Variants in HDAC4 observed in about 807,000 individuals in gnomAD.
The protein encoded by HDAC4 is histone deacetylase 4.
Under a neutral mutation model 135.1 loss-of-function variants are expected in HDAC4, and 16 were observed. The ratio of observed to expected loss-of-function variants is 0.12; its 90% confidence interval spans 0.08 to 0.18. The LOEUF (loss-of-function observed/expected upper bound fraction) is 0.18. Among genes scored for constraint, HDAC4 ranks in the 10% least tolerant of loss-of-function variants. The probability of loss-of-function intolerance (pLI) is 1.00; values close to 1 mark genes in which losing one functional copy is unlikely to be tolerated. For missense variants in HDAC4, 1,143 were observed against 1,511.8 expected (o/e 0.76, Z 4.05); for synonymous variants, 685 against 653.4 (o/e 1.05, Z -0.74).
At chr2:239,270,868 T>G (rs1394301687) in intron 2 of HDAC4, among the ~76,000 whole-genome samples, 1 of 152,156 alleles carries the variant, frequency 6.6e-6, no homozygotes, top group East Asian at 1.9e-4. Flanking sequence ...ACAGAGTAAA[T>G]TATACACTGG....
At chr2:239,392,551 C>G (rs951841755) in intron 1 of HDAC4, among the ~76,000 whole-genome samples, 30 of 152,208 alleles carry the variant, frequency 2.0e-4, no homozygotes, top group Non-Finnish European at 3.7e-4. Flanking sequence ...CAAGGAGGCA[C>G]AGTTGGCATC....
At chr2:239,218,404 T>C (rs2046764561) in intron 3 of HDAC4, among the ~76,000 whole-genome samples, 1 of 151,308 alleles carries the variant, frequency 6.6e-6, no homozygotes, top group Admixed American at 6.6e-5. Context: ...CTGGGAAAAC[T>C]GGCTAGCCAT....
chr2:239,244,347 G>T (rs2048354623), intron 2 of HDAC4, among the ~76,000 whole-genome samples: 1 of 152,180 alleles, frequency 6.6e-6, no homozygotes, highest in African/African-American at 2.4e-5. Flanking sequence ...ACTGGCAGGT[G>T]TCTGTGAGAA....
At chr2:239,174,548 T>C (rs1378374415) in intron 5 of HDAC4, among the ~76,000 whole-genome samples, 1 of 152,254 alleles carries the variant, frequency 6.6e-6, no homozygotes, top group Non-Finnish European at 1.5e-5. Context: ...ACATGGCTGG[T>C]AGGAGTGTAA....
At chr2:239,211,117 C>G (rs1424257341) in intron 3 of HDAC4, among the ~76,000 whole-genome samples, 1 of 152,216 alleles carries the variant, frequency 6.6e-6, no homozygotes, top group Admixed American at 6.5e-5. Context: ...AGGGTAAAAT[C>G]ACCTAGCTTT....
At chr2:239,300,004 C>T (rs777520714) in intron 2 of HDAC4, among the ~76,000 whole-genome samples, 48 of 152,320 alleles carry the variant, frequency 3.2e-4, no homozygotes, top group Non-Finnish European at 5.9e-4. Context: ...TCCGTAAGTG[C>T]CTTTCAATCC....
intron 1 of HDAC4, among the ~76,000 whole-genome samples, chr2:239,392,781 C>G (rs910335324): frequency 6.6e-6 from 1 of 152,234 alleles, no homozygotes; most frequent in African/African-American, 2.4e-5. Flanking sequence ...CCCTTGGCCA[C>G]GCTCTGCTGA....
intron 2 of HDAC4, among the ~76,000 whole-genome samples, chr2:239,310,398 C>T (rs548675410): frequency 3.9e-5 from 6 of 152,328 alleles, no homozygotes; most frequent in African/African-American, 1.4e-4. Flanking sequence ...TTGCTCCCCC[C>T]CGAACCAAGT....
intron 2 of HDAC4, among the ~76,000 whole-genome samples, chr2:239,335,388 A>T (rs1381359475): frequency 6.6e-6 from 1 of 151,908 alleles, no homozygotes; most frequent in Non-Finnish European, 1.5e-5. Context: ...TTCCCAGTGG[A>T]TCACAGATCT....
intron 16 of HDAC4, among the ~76,000 whole-genome samples, chr2:239,097,538 G>A (rs998345170): frequency 1.3e-5 from 2 of 152,242 alleles, no homozygotes; most frequent in East Asian, 3.8e-4. Flanking sequence ...CATCCCCGCA[G>A]GCATGTTGGC....
chr2:239,113,798 C>T (rs1168378633), intron 13 of HDAC4, among the ~76,000 whole-genome samples: 2 of 152,202 alleles, frequency 1.3e-5, no homozygotes, highest in Non-Finnish European at 2.9e-5. Flanking sequence ...CACCATGAAG[C>T]ACCGTGTGTG....
chr2:239,380,720 T>A (rs1239921829), intron 1 of HDAC4, among the ~76,000 whole-genome samples: 1 of 152,216 alleles, frequency 6.6e-6, no homozygotes, highest in Non-Finnish European at 1.5e-5. Context: ...AAAATTTTTT[T>A]TATATTTAAA....
chr2:239,391,843 C>CA, intron 1 of HDAC4, among the ~76,000 whole-genome samples: 1 of 151,954 alleles, frequency 6.6e-6, no homozygotes, highest in South Asian at 2.1e-4. Flanking sequence ...TCCGCAGCTC[C>CA]CACGTGCCTC....
intron 3 of HDAC4, among the ~76,000 whole-genome samples, chr2:239,213,068 C>T (rs550207422): frequency 1.3e-5 from 2 of 152,272 alleles, no homozygotes; most frequent in South Asian, 2.1e-4. Flanking sequence ...AAACGCAAAG[C>T]TGGAGGAGGT....
In HDAC4 at chr2:239,397,874, CA is replaced by C. The variant is rs943236323; in HGVS notation, c.-220+3103del. Among the ~76,000 whole-genome samples, 11 of 152,294 alleles carry C rather than the reference CA, an allele frequency of 7.2e-5. No homozygotes were observed. The East Asian group carries it at 2.1e-3, about 29-fold the overall frequency. On this transcript the variant is annotated intron_variant, in intron 1 of 26. Transcript: ENST00000543185. ...CAGTACCCGCCTCTAACGTCAAGGCCAAAAACCCAGAGCCCACCACACGGCA... is the reference window on the plus strand; with the variant it reads ...CAGTACCCGCCTCTAACGTCAAGGCCAAAACCCAGAGCCCACCACACGGCA...
chr2:239,227,886 T>C (rs988290312), intron 3 of HDAC4, among the ~76,000 whole-genome samples: 3 of 152,322 alleles, frequency 2.0e-5, no homozygotes, highest in African/African-American at 7.2e-5. Context: ...GCCCGGGCCC[T>C]CTGCTAGGTC....
chr2:239,378,062 G>A (rs769801021), intron 1 of HDAC4, among the ~76,000 whole-genome samples: 4 of 152,278 alleles, frequency 2.6e-5, no homozygotes, highest in East Asian at 1.9e-4. Context: ...TCCAGCAAAC[G>A]CGGTGCCCCT....
At chr2:239,076,702 A>G (rs936889864) in intron 22 of HDAC4, among the ~76,000 whole-genome samples, 11 of 152,210 alleles carry the variant, frequency 7.2e-5, no homozygotes, top group Admixed American at 3.3e-4. Context: ...GCCCTGGGGC[A>G]TCGTCCACAC....
At chr2:239,143,740 A>G (rs2041563615) in intron 8 of HDAC4, among the ~76,000 whole-genome samples, 1 of 152,238 alleles carries the variant, frequency 6.6e-6, no homozygotes, top group Non-Finnish European at 1.5e-5. Context: ...GGGGCATGGC[A>G]CCAGGAGCCC....
Sources: allele counts gnomAD v4.1 joint callset (sites outside exome capture counted in the v4.1 genomes callset), GRCh38; gene constraint gnomAD v4.1.1; transcripts MANE v1.5; gene names NCBI Gene and HGNC (gene_info 2026-07-23, HGNC 2026-07-21).